FOCAD: variants seen among roughly 807,000 people sequenced by gnomAD.
FOCAD encodes focadhesin, also known as KIAA1797.
FOCAD carries 198 observed loss-of-function variants against 225.6 expected under a neutral mutation model. The observed-to-expected ratio is 0.88, with a 90% CI of 0.78 to 0.99. The LOEUF (loss-of-function observed/expected upper bound fraction) is 0.99. Ranked by LOEUF, FOCAD falls within the 50% of genes least tolerant of loss-of-function variation. FOCAD has a pLI of 0.00. For missense variants in FOCAD, 2,713 were observed against 2,123.6 expected (o/e 1.28, Z -5.46); for synonymous variants, 897 against 755.0 (o/e 1.19, Z -3.08).
intron 4 of FOCAD, among the ~76,000 whole-genome samples, chr9:20,732,937 A>G (rs1383995656): frequency 1.3e-5 from 2 of 152,172 alleles, no homozygotes; most frequent in Non-Finnish European, 2.9e-5. Flanking sequence ...CATGGGTTCA[A>G]TTTTGGATGT....
chr9:20,745,625 T>G (rs1476641075), intron 5 of FOCAD, among the ~76,000 whole-genome samples: 1 of 152,174 alleles, frequency 6.6e-6, no homozygotes, highest in Non-Finnish European at 1.5e-5. Context: ...AGATCTCTCT[T>G]CCCTCAGCTA....
At chr9:20,896,285 T>C (rs901634532) in intron 21 of FOCAD, among the ~76,000 whole-genome samples, 24 of 152,032 alleles carry the variant, frequency 1.6e-4, no homozygotes, top group African/African-American at 5.5e-4. Flanking sequence ...GCCTTTTACA[T>C]TTATGTTCAT....
At chr9:20,772,520 C>A (rs1424379845) in intron 8 of FOCAD, among the ~76,000 whole-genome samples, 1 of 152,002 alleles carries the variant, frequency 6.6e-6, no homozygotes, top group African/African-American at 2.4e-5. Flanking sequence ...ACAAGAAAAT[C>A]AAGGGAAGGA....
chr9:20,793,582 A>G (rs1167890318), intron 11 of FOCAD, among the ~76,000 whole-genome samples: 1 of 152,178 alleles, frequency 6.6e-6, no homozygotes, highest in African/African-American at 2.4e-5. Flanking sequence ...AATGTACTGA[A>G]ACAAAATCCG....
At chr9:20,777,095 T>C (rs1818836263) in intron 8 of FOCAD, among the ~76,000 whole-genome samples, 1 of 152,192 alleles carries the variant, frequency 6.6e-6, no homozygotes, top group Non-Finnish European at 1.5e-5. Flanking sequence ...TTGTTTTTTT[T>C]CAAAAGTCCA....
At chr9:20,707,195 G>T (rs930795013) in intron 1 of FOCAD, among the ~76,000 whole-genome samples, 2 of 152,082 alleles carry the variant, frequency 1.3e-5, no homozygotes, top group Non-Finnish European at 2.9e-5. Context: ...TGACCAAGTG[G>T]CTCTGTCACA....
chr9:20,888,386 C>T lies in FOCAD; in HGVS notation c.2625+3156C>T, dbSNP rs150889025. ...ACTCCTGACCTCATGATCCATCTGCCTTGGCTTCCCAAAGTGCTGGAATTA... is the reference window on the plus strand; with the variant it reads ...ACTCCTGACCTCATGATCCATCTGCTTTGGCTTCCCAAAGTGCTGGAATTA... On this transcript the variant is annotated intron_variant, in intron 21 of 43. Coordinates refer to ENST00000338382, the MANE Select transcript of FOCAD (RefSeq NM_001375567.1). Among the ~76,000 whole-genome samples, 342 of 152,130 alleles carry T rather than the reference C, an allele frequency of 2.2e-3. 10 individuals carry two copies. The East Asian group carries it at 0.044, about 20-fold the overall frequency.
intron 26 of FOCAD, among the ~76,000 whole-genome samples, chr9:20,928,543 G>A: frequency 6.6e-6 from 1 of 152,128 alleles, no homozygotes; most frequent in Non-Finnish European, 1.5e-5. Flanking sequence ...TCCCACTTGA[G>A]ACATATTTAT....
chr9:20,858,844 T>A (rs1226372375), intron 15 of FOCAD, among the ~76,000 whole-genome samples: 1 of 151,880 alleles, frequency 6.6e-6, no homozygotes, highest in Non-Finnish European at 1.5e-5. Context: ...CTTCATTGAC[T>A]GGTCTTTCAG....
chr9:20,730,734 C>T (rs1264551934), intron 4 of FOCAD, among the ~76,000 whole-genome samples: 2 of 152,066 alleles, frequency 1.3e-5, no homozygotes, highest in East Asian at 3.9e-4. Context: ...ATCTAATATT[C>T]CTAAGACTCT....
intron 26 of FOCAD, among the ~76,000 whole-genome samples, chr9:20,926,986 A>T (rs1187051744): frequency 6.8e-6 from 1 of 147,172 alleles, no homozygotes. Context: ...ATGTACGTAC[A>T]TATGCATATA....
rs796702774 is a variant in FOCAD, at chr9:20,815,123, G to GGTTTT, written c.1456-4673_1456-4672insGTTTT. Among the ~76,000 whole-genome samples the GGTTTT allele has an allele frequency of 1.3e-3, 115 of 85,364 alleles. 10 individuals are homozygous for GGTTTT. The highest frequency in any genetic ancestry group is 2.4e-3 in the East Asian group (8 of 3,354). 56.0% of individuals were successfully genotyped at this position (85,364 alleles called of 152,430 possible). On this transcript the variant is annotated intron_variant, in intron 11 of 43. Coordinates refer to ENST00000338382, the MANE Select transcript of FOCAD (RefSeq NM_001375567.1). ...TCTGGAAATATCATTACTTCTCTTTGTTTTTTTTTTTTTGTTTTTTTTTTT... is the reference window on the plus strand; with the variant it reads ...TCTGGAAATATCATTACTTCTCTTTGGTTTTTTTTTTTTTTTTTGTTTTTTTTTTT...
chr9:20,799,839 C>T (rs1405722402), intron 11 of FOCAD, among the ~76,000 whole-genome samples: 2 of 152,026 alleles, frequency 1.3e-5, no homozygotes, highest in Non-Finnish European at 2.9e-5. Flanking sequence ...AGCATTTAGC[C>T]CATTTACATT....
Position 20,899,205 on chromosome 9 carries a change from T to C in FOCAD, c.2626-7945T>C, listed in dbSNP as rs190513790. 1.6e-3 allele frequency among the ~76,000 whole-genome samples: 245 copies of C among 152,060 alleles called. 2 individuals carry two copies. The highest frequency in any genetic ancestry group is 1.4e-3 in the Non-Finnish European group (95 of 67,912). On this transcript the variant is annotated intron_variant, in intron 21 of 43. Transcript: ENST00000338382. ...TGTTTTTCCCCTCTCCCTGCTGTGA[T>C]CACAAGGTGAGTTTTTTCTGATATT...
In FOCAD at chr9:20,995,699, A is replaced by T; in HGVS notation, c.*70A>T. 1 of 1,380,554 alleles carries T rather than the reference A, an allele frequency of 7.2e-7. No individual in the cohort carries two copies. The highest frequency in any genetic ancestry group is 1.0e-6 in the Non-Finnish European group (1 of 972,878). The allele number at this position is 1,380,554 out of a possible 1,614,324, so 85.5% of individuals were successfully genotyped here. The stretch of plus-strand genomic sequence containing the variant: ...ACCATATAAGTGGAAGAAGTTTTTC[A>T]GAATTCATGCCTGGTATTGCTGAGA... On this transcript the variant is annotated 3_prime_UTR_variant, in exon 44 of 44. Coordinates refer to ENST00000338382, the MANE Select transcript of FOCAD (RefSeq NM_001375567.1).
chr9:20,680,714 C>A (rs140544321), upstream of FOCAD, among the ~76,000 whole-genome samples: 4 of 152,166 alleles, frequency 2.6e-5, no homozygotes, highest in South Asian at 8.3e-4. Flanking sequence ...CACCTATAAT[C>A]CCAGCATTTT....
At position 20,958,760 on chromosome 9, in the gene FOCAD, G is replaced by T. The variant is rs183267653; in HGVS notation, c.4132+5695G>T. Among the ~76,000 whole-genome samples, 168 of 151,862 alleles carry T rather than the reference G, an allele frequency of 1.1e-3. 1 individual carries two copies. Among genetic ancestry groups the T allele is most frequent in the Non-Finnish European group, 1.8e-3 (125 of 67,922 alleles). ...CTTCTGAGAGATCAACTTTCTTTTT[G>T]CTTCCACATATGAGTGAGAACATGT... On this transcript the variant is annotated intron_variant, in intron 35 of 43. Coordinates refer to ENST00000338382, the MANE Select transcript of FOCAD (RefSeq NM_001375567.1).
At position 20,789,511 on chromosome 9, in the gene FOCAD, T is replaced by G. The variant is rs1820301171; in HGVS notation, c.1358T>G (p.Phe453Cys). The change falls in exon 11 of 44, where the codon TTT (phenylalanine) becomes TGT (cysteine). Residue 453 changes from phenylalanine (F) to cysteine (C), a missense_variant. Phe to Cys is a radical substitution (Grantham distance 205). Transcript: ENST00000338382. ...ACTGCTGTGATCCCTGCGCCTGCCT[T>G]TCTTCTGCTGGCTCACCTCCTTGTT... ...PITAVIPAPA[F>C]LLLAHLLVED... is the part of the protein sequence containing the mutation. The G allele has an allele frequency of 2.5e-6, 4 of 1,614,000 alleles. No individual in the cohort carries two copies. The highest frequency in any genetic ancestry group is 2.7e-5 in the African/African-American group (2 of 75,008).
At chr9:20,792,715 A>G (rs757297194) in intron 11 of FOCAD, among the ~76,000 whole-genome samples, 6 of 152,234 alleles carry the variant, frequency 3.9e-5, no homozygotes, top group Non-Finnish European at 5.9e-5. Flanking sequence ...ATTCTTTGTG[A>G]TGTTTTCAGA....
Sources: allele counts gnomAD v4.1 joint callset (sites outside exome capture counted in the v4.1 genomes callset), GRCh38; gene constraint gnomAD v4.1.1; transcripts MANE v1.5; gene names NCBI Gene and HGNC (gene_info 2026-07-23, HGNC 2026-07-21).